CCDC158: variants seen among roughly 807,000 people sequenced by gnomAD.
CCDC158 encodes coiled-coil domain containing 158.
A neutral mutation model predicts 138.6 loss-of-function variants in CCDC158; 116 were observed. The observed-to-expected ratio is 0.84, with a 90% CI of 0.72 to 0.98. The LOEUF is 0.98. CCDC158 is among the 50% of genes least tolerant of loss of function. CCDC158 has a pLI of 0.00. For missense variants in CCDC158, 1,265 were observed against 1,306.1 expected, an observed-to-expected ratio of 0.97 and a Z score of 0.48; for synonymous variants, 436 against 442.4, an observed-to-expected ratio of 0.99 and a Z score of 0.18.
intron 12 of CCDC158, among the ~76,000 whole-genome samples, chr4:76,365,802 T>A (rs1408938106): frequency 1.3e-5 from 2 of 152,160 alleles, no homozygotes; most frequent in African/African-American, 4.8e-5. Context: ...ATCCTAGACC[T>A]ACTGAGTCAG....
At chr4:76,379,094 A>T (rs1252658651) in intron 9 of CCDC158, among the ~76,000 whole-genome samples, 196 bp downstream of exon 9, 2 of 152,198 alleles carry the variant, frequency 1.3e-5, no homozygotes, top group African/African-American at 4.8e-5. Flanking sequence ...CTAAGAATGA[A>T]TCAGAGTACA....
At chr4:76,323,265 T>C (rs749047744) in intron 24 of CCDC158, 37 bp downstream of exon 24, 16 of 1,437,318 alleles carry the variant, frequency 1.1e-5, no homozygotes, top group Non-Finnish European at 1.6e-5. Context: ...AACATTCTCA[T>C]GAGCGAGGAA....
At position 76,353,228 on chromosome 4, in the gene CCDC158, A is replaced by G. The variant is rs1465001795; in HGVS notation, c.2340T>C (p.Thr780=). The change falls in exon 16 of 25, where the codon ACT becomes ACC. Residue 780 remains threonine, a synonymous_variant. Transcript: ENST00000682701. ...EKSKLSQELS[T]VATEKNKMAG... ...CCATCTTGTTTTTTTCTGTGGCAAC[A>G]GTACTCAATTCCTGACTGAGTTTAC... is the stretch of plus-strand genomic sequence containing the variant. 4 of 1,613,506 alleles carry G rather than the reference A, an allele frequency of 2.5e-6. No homozygotes were observed. Among genetic ancestry groups the G allele is most frequent in the Non-Finnish European group, 3.4e-6 (4 of 1,179,694 alleles).
chr4:76,372,285 T>C (rs889151420), intron 9 of CCDC158, among the ~76,000 whole-genome samples: 1 of 151,978 alleles, frequency 6.6e-6, no homozygotes, highest in Non-Finnish European at 1.5e-5. Context: ...CAAAAAATAT[T>C]TTTTTAAAGG....
At chr4:76,379,941 G>A (rs1046155282) in intron 8 of CCDC158, among the ~76,000 whole-genome samples, 5 of 152,034 alleles carry the variant, frequency 3.3e-5, no homozygotes, top group African/African-American at 1.2e-4. Flanking sequence ...TTAAAAGTAT[G>A]GCACTTCCCC....
intron 12 of CCDC158, among the ~76,000 whole-genome samples, chr4:76,362,844 C>A (rs1394555484): frequency 6.6e-6 from 1 of 152,094 alleles, no homozygotes; most frequent in Non-Finnish European, 1.5e-5. Flanking sequence ...GAGAAGAAAA[C>A]AAACAAATAT....
chr4:76,326,098 T>C (rs1032866963), intron 22 of CCDC158, 83 bp from the exon 23 acceptor site: 41 of 1,118,480 alleles, frequency 3.7e-5, no homozygotes, highest in East Asian at 7.2e-5. Context: ...CAAGCTTTCA[T>C]GAGAAAATGT....
chr4:76,343,025 T>C (rs1268727037), intron 18 of CCDC158, among the ~76,000 whole-genome samples: 1 of 152,198 alleles, frequency 6.6e-6, no homozygotes, highest in Non-Finnish European at 1.5e-5. Flanking sequence ...ATTTAGAGGC[T>C]TAATCTTTGG....
intron 24 of CCDC158, among the ~76,000 whole-genome samples, chr4:76,314,688 G>C (rs996149498): frequency 1.3e-5 from 2 of 152,114 alleles, no homozygotes; most frequent in African/African-American, 4.8e-5. Context: ...AAATATAAAA[G>C]TAGAAGGAGC....
At chr4:76,389,786 G>A (rs1302293125) in intron 4 of CCDC158, among the ~76,000 whole-genome samples, 1 of 152,144 alleles carries the variant, frequency 6.6e-6, no homozygotes, top group East Asian at 1.9e-4. Context: ...AAACCTTACA[G>A]GCCAGGAGAG....
rs549069941 is a variant in CCDC158, at chr4:76,349,618, T to C, written c.2664+1378A>G. Among the ~76,000 whole-genome samples, 22 of 152,310 alleles carry C rather than the reference T, an allele frequency of 1.4e-4. 1 individual carries two copies. The South Asian group carries it at 2.5e-3, about 17-fold the overall frequency. The stretch of plus-strand genomic sequence containing the variant: ...TGGCTGGTTCAAGCTGCAGTGAGCA[T>C]GACTGCACCATTGCACTCCAGCCTC... On this transcript the variant is annotated intron_variant, in intron 18 of 24. Coordinates refer to ENST00000682701, the MANE Select transcript of CCDC158 (RefSeq NM_001394954.1).
chr4:76,336,298 A>C (rs918795255), intron 18 of CCDC158, among the ~76,000 whole-genome samples: 1 of 151,916 alleles, frequency 6.6e-6, no homozygotes, highest in South Asian at 2.1e-4. Context: ...TACCTTTCAA[A>C]CTTCTATGTG....
Position 76,355,359 on chromosome 4 carries a change from G to C in CCDC158, c.2251C>G (p.Gln751Glu), listed in dbSNP as rs200455526. ...TTTGTCATTGCCTCTTCCAAAAACT[G>C]TATCTTGCTCTGAAGGGCATCTATC... ...GQIDALQSKI[Q>E]FLEEAMTNAN... The change falls in exon 15 of 25, where the codon CAG becomes GAG. Residue 751 changes from glutamine to glutamate, a missense_variant. Transcript: ENST00000682701. The C allele has an allele frequency of 3.6e-4, 586 of 1,613,794 alleles. No individual in the cohort carries two copies. The highest frequency in any genetic ancestry group is 1.6e-4 in the Middle Eastern group (1 of 6,062).
intron 9 of CCDC158, 112 bp from the exon 10 acceptor site, chr4:76,371,648 C>T (rs6853408): frequency 0.25 from 327,538 of 1,330,736 alleles, 49,792 homozygotes; most frequent in East Asian, 0.68. Flanking sequence ...AATAAAAGTT[C>T]GTTGTGAGGC....
Position 76,376,651 on chromosome 4 carries a change from T to TA in CCDC158, c.1029+2638_1029+2639insT, listed in dbSNP as rs1472283932. On this transcript the variant is annotated intron_variant, in intron 9 of 24. Transcript: ENST00000682701. ...TCCTTGTTATTAACTTGTTTGATTT[T>TA]CCTTGCTCAGCTACACCATGTAATT... Among the ~76,000 whole-genome samples, 7 of 152,344 alleles carry TA rather than the reference T, an allele frequency of 4.6e-5. No homozygotes were observed. In the East Asian group the frequency reaches 1.4e-3, roughly 29 times the overall value.
chr4:76,414,427 G>A (rs1729532959), intron 1 of CCDC158: 1 of 152,082 alleles, frequency 6.6e-6, no homozygotes, highest in Admixed American at 6.5e-5. Context: ...TTCCAATGGG[G>A]AAAGAAAGGC....
intron 18 of CCDC158, among the ~76,000 whole-genome samples, chr4:76,348,367 G>A (rs966862287): frequency 1.0e-4 from 15 of 150,370 alleles, no homozygotes; most frequent in East Asian, 7.8e-4. Context: ...CCCGGAAGGC[G>A]GAGCTTGTGG....
intron 9 of CCDC158, 91 bp downstream of exon 9, chr4:76,379,199 G>T: frequency 1.6e-6 from 1 of 613,664 alleles, no homozygotes; most frequent in South Asian, 3.9e-5. Context: ...AAATTACTTT[G>T]ATTCCTTATT....
At chr4:76,383,634 C>G in intron 7 of CCDC158, 28 bp downstream of exon 7, 1 of 1,547,466 alleles carries the variant, frequency 6.5e-7, no homozygotes, top group Non-Finnish European at 8.9e-7. Flanking sequence ...TTTCGCTAGG[C>G]TTTTCCATAC....
Sources: gnomAD v4.1 joint callset for allele counts (sites outside exome capture counted in the v4.1 genomes callset) on GRCh38, gnomAD v4.1.1 for gene constraint, MANE v1.5 for transcripts, NCBI Gene and HGNC (gene_info 2026-07-23, HGNC 2026-07-21) for gene names.